The following NLGN1 variants were observed in gnomAD, a reference collection of about 807,000 sequenced individuals.
NLGN1 encodes the protein neuroligin-1.
A neutral mutation model predicts 65.5 loss-of-function variants in NLGN1; 12 were observed. That is an observed-to-expected ratio of 0.18 (90% CI 0.12 to 0.30). NLGN1 has a LOEUF of 0.30. NLGN1 is among the 10% of genes least tolerant of loss of function. The pLI, the probability that NLGN1 is intolerant of heterozygous loss-of-function variation, is 1.00. For missense variants in NLGN1, 750 were observed against 1,007.1 expected (o/e 0.74, Z 3.46); for synonymous variants, 350 against 359.5 (o/e 0.97, Z 0.30).
At chr3:173,882,106 C>T (rs1205073720) in intron 4 of NLGN1, among the ~76,000 whole-genome samples, 2 of 152,124 alleles carry the variant, frequency 1.3e-5, no homozygotes, top group Non-Finnish European at 2.9e-5. Flanking sequence ...GATGCTTTGA[C>T]AATAAGCAGT....
At chr3:173,683,822 A>C (rs543899404) in intron 3 of NLGN1, among the ~76,000 whole-genome samples, 103 of 152,322 alleles carry the variant, frequency 6.8e-4, no homozygotes, top group Admixed American at 3.3e-3. Context: ...AAATGTAAAC[A>C]TCATTTCAAC....
At position 173,734,381 on chromosome 3, in the gene NLGN1, A is replaced by ATTTTTTTTTTTTTTTTT. The variant is rs71162356; in HGVS notation, c.494-73283_494-73267dup. ...ATAATTAGATTCTGTGGATAATTCTATTTTTTTTTTTTTTTTTTTTTTTTT... is the reference window on the plus strand; with the variant it reads ...ATAATTAGATTCTGTGGATAATTCTATTTTTTTTTTTTTTTTTTTTTTTTTTTTTTTTTTTTTTTTTT... On this transcript the variant is annotated intron_variant, in intron 3 of 6. Transcript: ENST00000457714. 5.0e-4 allele frequency among the ~76,000 whole-genome samples: 20 copies of ATTTTTTTTTTTTTTTTT among 40,080 alleles called. 1 individual carries two copies. Among genetic ancestry groups the ATTTTTTTTTTTTTTTTT allele is most frequent in the East Asian group, 2.0e-3 (2 of 992 alleles). The allele number at this position is 40,080 out of a possible 152,430, so 26.3% of individuals were successfully genotyped here. A position where few individuals can be genotyped will look rare whatever the true frequency, so the allele number is the denominator to read the frequency against.
intron 5 of NLGN1, among the ~76,000 whole-genome samples, chr3:174,276,462 C>CTTTCT (rs1750607832): frequency 6.6e-6 from 1 of 150,704 alleles, no homozygotes; most frequent in Non-Finnish European, 1.5e-5. Flanking sequence ...CGTACACCAT[C>CTTTCT]TTTCTTTTAA....
intron 4 of NLGN1, among the ~76,000 whole-genome samples, chr3:173,880,560 A>G (rs1436422493): frequency 4.6e-5 from 7 of 151,238 alleles, no homozygotes; most frequent in African/African-American, 9.6e-5. Context: ...GGTGTACAAT[A>G]TAAGTATGTT....
chr3:173,564,033 C>G (rs1743220796), intron 2 of NLGN1, among the ~76,000 whole-genome samples: 1 of 152,244 alleles, frequency 6.6e-6, no homozygotes, highest in African/African-American at 2.4e-5. Context: ...CTGGCCCTTA[C>G]TACCTGTCAG....
intron 3 of NLGN1, among the ~76,000 whole-genome samples, chr3:173,696,886 A>G (rs1766299814): frequency 6.6e-6 from 1 of 152,168 alleles, no homozygotes; most frequent in Non-Finnish European, 1.5e-5. Context: ...TTATGGAGTA[A>G]ACACCTAAAC....
At chr3:173,612,752 G>A (rs1401405486) in intron 3 of NLGN1, among the ~76,000 whole-genome samples, 1 of 152,088 alleles carries the variant, frequency 6.6e-6, no homozygotes, top group Non-Finnish European at 1.5e-5. Flanking sequence ...AAACTGGGTA[G>A]CGTAAACAGC....
In NLGN1 at chr3:174,212,740, A is replaced by C. The variant is rs1236509219; in HGVS notation, c.647-62575A>C. 2.0e-5 allele frequency among the ~76,000 whole-genome samples: 3 copies of C among 152,248 alleles called. No homozygotes were observed. The East Asian group carries it at 5.8e-4, about 29-fold the overall frequency. ...CAAAGTTATTTTATTACAATTGCACATGTCAGAATTCTGACACTGGTTCCA... is the reference window on the plus strand; with the variant it reads ...CAAAGTTATTTTATTACAATTGCACCTGTCAGAATTCTGACACTGGTTCCA... On this transcript the variant is annotated intron_variant, in intron 4 of 6. Coordinates refer to ENST00000457714, the Ensembl canonical transcript of NLGN1.
At chr3:174,035,174 CTA>C (rs1175909121) in intron 4 of NLGN1, among the ~76,000 whole-genome samples, 2 of 152,054 alleles carry the variant, frequency 1.3e-5, no homozygotes, top group Non-Finnish European at 2.9e-5. Flanking sequence ...GGTATTTACT[CTA>C]TGTTTAAAGA....
chr3:174,217,400 T>C (rs1363878384), intron 4 of NLGN1, among the ~76,000 whole-genome samples: 1 of 152,098 alleles, frequency 6.6e-6, no homozygotes, highest in Non-Finnish European at 1.5e-5. Context: ...TACCATAGAC[T>C]GGGCAGCTCA....
chr3:173,529,266 G>T (rs1460459896), intron 2 of NLGN1, among the ~76,000 whole-genome samples: 1 of 152,158 alleles, frequency 6.6e-6, no homozygotes, highest in Non-Finnish European at 1.5e-5. Context: ...CCAGTAGGTG[G>T]CACTTCCGGG....
intron 1 of NLGN1, among the ~76,000 whole-genome samples, chr3:173,398,732 T>G (rs1028401255): frequency 3.3e-5 from 5 of 152,214 alleles, no homozygotes; most frequent in Admixed American, 3.3e-4. Context: ...TGAATTCGTA[T>G]AGTTAACCCA....
intron 4 of NLGN1, among the ~76,000 whole-genome samples, chr3:173,988,556 C>G (rs1239598644): frequency 6.6e-6 from 1 of 151,978 alleles, no homozygotes; most frequent in African/African-American, 2.4e-5. Context: ...GTGGCAAGGC[C>G]CTACCTTTTA....
At chr3:174,273,906 G>A (rs977860291) in intron 4 of NLGN1, among the ~76,000 whole-genome samples, 1 of 144,804 alleles carries the variant, frequency 6.9e-6, no homozygotes, top group African/African-American at 2.5e-5. Flanking sequence ...TATTCAGTTT[G>A]GTTATGGATT....
intron 4 of NLGN1, among the ~76,000 whole-genome samples, chr3:173,865,684 A>T (rs1730008092): frequency 6.6e-6 from 1 of 152,202 alleles, no homozygotes. Context: ...CCTGAAACTT[A>T]ATCATAGAGC....
chr3:174,133,856 T>G (rs377347435), intron 4 of NLGN1, among the ~76,000 whole-genome samples: 18 of 148,914 alleles, frequency 1.2e-4, no homozygotes, highest in African/African-American at 4.2e-4. Context: ...AAACAAGATG[T>G]GCTTTTTCTT....
chr3:173,692,378 T>C (rs943873753), intron 3 of NLGN1, among the ~76,000 whole-genome samples: 2 of 152,156 alleles, frequency 1.3e-5, no homozygotes, highest in Non-Finnish European at 2.9e-5. Flanking sequence ...GTCAGTGATC[T>C]ATTCACATTT....
At chr3:174,281,691 T>C (rs1751561193) in exon 7 of NLGN1, 1 of 165,716 alleles carries the variant, frequency 6.0e-6, no homozygotes, top group Non-Finnish European at 1.3e-5. Flanking sequence ...GAATGTCAGA[T>C]AATTTTCACC....
chr3:174,058,344 G>C (rs961625347), intron 4 of NLGN1, among the ~76,000 whole-genome samples: 7 of 152,062 alleles, frequency 4.6e-5, no homozygotes, highest in African/African-American at 1.7e-4. Context: ...ATTTATACTG[G>C]AGAGTACCTG....
Sources: gnomAD v4.1 joint callset for allele counts (sites outside exome capture counted in the v4.1 genomes callset) on GRCh38, gnomAD v4.1.1 for gene constraint, MANE v1.5 for transcripts, NCBI Gene and HGNC (gene_info 2026-07-23, HGNC 2026-07-21) for gene names.